AXL: variants seen among roughly 807,000 people sequenced by gnomAD.
The protein encoded by AXL is tyrosine-protein kinase receptor UFO.
A neutral mutation model predicts 104.5 loss-of-function variants in AXL; 52 were observed. The observed-to-expected ratio is 0.50, with a 90% CI of 0.40 to 0.63. The LOEUF (loss-of-function observed/expected upper bound fraction) is 0.63. Ranked by LOEUF, AXL falls within the 20% of genes least tolerant of loss-of-function variation. AXL has a pLI of 0.00. For missense variants in AXL, 1,024 were observed against 1,188.5 expected (o/e 0.86, Z 2.04); for synonymous variants, 455 against 473.7 (o/e 0.96, Z 0.51).
chr19:41,243,148 G>GCCACCACGCC, intron 11 of AXL, 133 bp downstream of exon 11: 2 of 1,309,776 alleles, frequency 1.5e-6, no homozygotes, highest in Non-Finnish European at 2.1e-6. Flanking sequence ...GCCAGGCGTG[G>GCCACCACGCC]TGGCTCACGC....
intron 14 of AXL, among the ~76,000 whole-genome samples, chr19:41,250,611 T>C (rs1175864044): frequency 6.6e-6 from 1 of 151,846 alleles, no homozygotes; most frequent in Non-Finnish European, 1.5e-5. Flanking sequence ...CCCAGCTAAT[T>C]TTTGTGTTTT....
chr19:41,259,694 TGAG>T lies in AXL; in HGVS notation c.2477_2479del (p.Glu826del). ...ACGAAATCCTCTATGTCAACATGGA[TGAG>T]GGTGGAGGTTATCCTGAACCCCCTG... On this transcript the variant is annotated inframe_deletion, in exon 20 of 20. Transcript: ENST00000301178. The T allele has an allele frequency of 1.2e-6, 2 of 1,614,072 alleles. No homozygotes were observed. The highest frequency in any genetic ancestry group is 1.7e-6 in the Non-Finnish European group (2 of 1,180,014).
intron 6 of AXL, among the ~76,000 whole-genome samples, 189 bp downstream of exon 6, chr19:41,231,487 T>TA (rs2033988185): frequency 1.3e-5 from 2 of 152,146 alleles, no homozygotes; most frequent in Non-Finnish European, 2.9e-5. Context: ...TGACCTTGGG[T>TA]AGGTGGCTTA....
chr19:41,219,523 TG>T, intron 1 of AXL, 46 bp downstream of exon 1: 1 of 937,212 alleles, frequency 1.1e-6, no homozygotes, highest in Non-Finnish European at 1.4e-6. Flanking sequence ...TCGGAGGGGC[TG>T]GGGCAGGGGT....
intron 12 of AXL, among the ~76,000 whole-genome samples, chr19:41,248,296 C>T (rs578199217): frequency 1.3e-5 from 2 of 152,340 alleles, no homozygotes; most frequent in South Asian, 2.1e-4. Context: ...AAGAGCGTGG[C>T]CAGGCTTTAC....
intron 10 of AXL, among the ~76,000 whole-genome samples, chr19:41,240,940 C>G (rs1289910657): frequency 1.3e-5 from 2 of 152,070 alleles, no homozygotes; most frequent in Non-Finnish European, 2.9e-5. Flanking sequence ...ACCCTGAACC[C>G]CTTGCATACT....
Position 41,219,401 on chromosome 19 carries a change from G to A in AXL, c.9G>A (p.Trp3Ter). 1 of 1,599,652 alleles carries A rather than the reference G, an allele frequency of 6.3e-7. No individual in the cohort carries two copies. ...AGGAAAGTTTGGCACCCATGGCGTG[G>A]CGGTGCCCCAGGATGGGCAGGGTCC... MA[W>*]RCPRMGRVPL... Residue 3 changes from tryptophan to a stop codon, truncating the protein, a stop_gained, in exon 1 of 20, where the codon TGG becomes TGA. Coordinates refer to ENST00000301178, the MANE Select transcript of AXL (RefSeq NM_021913.5). LOFTEE classifies it high-confidence loss of function.
chr19:41,252,777 G>A, intron 15 of AXL, 69 bp from the exon 16 acceptor site: 3 of 1,602,598 alleles, frequency 1.9e-6, no homozygotes, highest in East Asian at 2.2e-5. Flanking sequence ...GAGGCTGGAG[G>A]CTGGCTGGTG....
intron 4 of AXL, among the ~76,000 whole-genome samples, chr19:41,228,951 T>C (rs888238072): frequency 6.0e-5 from 7 of 116,418 alleles, no homozygotes; most frequent in African/African-American, 3.0e-4. Flanking sequence ...TCTTTTCTTT[T>C]CTTTCTTTTT....
intron 6 of AXL, among the ~76,000 whole-genome samples, chr19:41,235,715 C>T (rs879872357): frequency 6.6e-6 from 1 of 152,184 alleles, no homozygotes; most frequent in Admixed American, 6.5e-5. Flanking sequence ...CAGTGACAAA[C>T]TGATGACCTT....
At chr19:41,219,531 G>A (rs2033746703) in intron 1 of AXL, 54 bp downstream of exon 1, 20 of 1,551,942 alleles carry the variant, frequency 1.3e-5, no homozygotes, top group Admixed American at 5.8e-5. Flanking sequence ...GCTGGGGCAG[G>A]GGTAGGAGGT....
rs1388772815 is a variant in AXL, at chr19:41,230,221, CTG to C, written c.587-745_587-744del. On this transcript the variant is annotated intron_variant, in intron 4 of 19. Coordinates refer to ENST00000301178, the MANE Select transcript of AXL (RefSeq NM_021913.5). ...TATGTGTGTGTATGAGTATGTGTCT[CTG>C]GGGTGTAAGAATGTGTGTGTGTGCC... 4.0e-5 allele frequency among the ~76,000 whole-genome samples: 6 copies of C among 149,396 alleles called. No homozygotes were observed. The East Asian group carries it at 6.0e-4, about 15-fold the overall frequency.
At chr19:41,239,555 TA>T in intron 9 of AXL, 138 bp from the exon 10 acceptor site, 2 of 1,222,676 alleles carry the variant, frequency 1.6e-6, no homozygotes, top group South Asian at 2.5e-5. Context: ...CTCACTCCCT[TA>T]CCCGTGCCAA....
chr19:41,226,660 G>GTACA (rs1324553092), intron 4 of AXL: 70 of 837,326 alleles, frequency 8.4e-5, no homozygotes, highest in Non-Finnish European at 9.9e-5. Flanking sequence ...CGAGAGACAC[G>GTACA]TACACAGATA....
intron 4 of AXL, among the ~76,000 whole-genome samples, chr19:41,229,866 A>G (rs935227290): frequency 6.6e-6 from 1 of 152,034 alleles, no homozygotes; most frequent in African/African-American, 2.4e-5. Context: ...CAGTTTCCCT[A>G]AGTGTGTCTA....
Position 41,230,995 on chromosome 19 carries a change from C to T in AXL, c.615C>T (p.Cys205=), listed in dbSNP as rs143934164. ...PGLNKTSSFS[C]EAHNAKGVTT... is the part of the protein sequence containing the mutation. Reference sequence around the variant, plus strand: ...TGAACAAGACATCCTCTTTCTCCTGCGAAGCCCATAACGCCAAGGGGGTCA... The same window carrying T: ...TGAACAAGACATCCTCTTTCTCCTGTGAAGCCCATAACGCCAAGGGGGTCA... The change falls in exon 5 of 20, where the codon TGC becomes TGT. Residue 205 remains cysteine (C), a synonymous_variant. Coordinates refer to ENST00000301178, the MANE Select transcript of AXL (RefSeq NM_021913.5). 9.6e-5 allele frequency: 155 copies of T among 1,613,788 alleles called. No individual in the cohort carries two copies. The highest frequency in any genetic ancestry group is 1.2e-4 in the Non-Finnish European group (142 of 1,179,904).
chr19:41,238,459 C>G lies in AXL; in HGVS notation c.995-11C>G. On this transcript the variant is annotated splice_polypyrimidine_tract_variant and intron_variant, in intron 7 of 19. Coordinates refer to ENST00000301178, the MANE Select transcript of AXL (RefSeq NM_021913.5). ...TGGGGGTGCCAGCTTCCCCTCTTCC[C>G]TGTCCTCCAGTGCCCCTGGGCCCCC... 6.2e-7 allele frequency: 1 copy of G among 1,605,690 alleles called. No individual in the cohort carries two copies. The highest frequency in any genetic ancestry group is 8.5e-7 in the Non-Finnish European group (1 of 1,173,614).
At chr19:41,224,180 T>C (rs1387807735) in intron 4 of AXL, among the ~76,000 whole-genome samples, 6 of 151,988 alleles carry the variant, frequency 3.9e-5, no homozygotes, top group Non-Finnish European at 8.8e-5. Flanking sequence ...CAGCTGGGAC[T>C]CACTGTATGA....
At chr19:41,225,271 C>T (rs2033859462) in intron 4 of AXL, among the ~76,000 whole-genome samples, 1 of 152,332 alleles carries the variant, frequency 6.6e-6, no homozygotes, top group Non-Finnish European at 1.5e-5. Flanking sequence ...TCCCAAAGTA[C>T]TGGGATTACA....
Sources: allele counts gnomAD v4.1 joint callset (sites outside exome capture counted in the v4.1 genomes callset), GRCh38; gene constraint gnomAD v4.1.1; transcripts MANE v1.5; gene names NCBI Gene and HGNC (gene_info 2026-07-23, HGNC 2026-07-21).